Variants in DGKG observed in about 807,000 individuals in gnomAD.
DGKG encodes diacylglycerol kinase gamma, also known as DAG kinase gamma.
In DGKG, 78 loss-of-function variants were observed where a neutral mutation model predicts 105.3. The ratio of observed to expected loss-of-function variants is 0.74; its 90% CI spans 0.62 to 0.89. DGKG has a LOEUF of 0.89. Ranked by LOEUF, DGKG falls within the 40% of genes least tolerant of loss-of-function variation. DGKG has a pLI of 0.00. For missense variants in DGKG, 958 were observed against 1,020.1 expected, an observed-to-expected ratio of 0.94 and a Z score of 0.83; for synonymous variants, 346 against 367.1, an observed-to-expected ratio of 0.94 and a Z score of 0.66.
rs538018353 is a variant in DGKG, at chr3:186,308,870, T to C, written c.68-1893A>G. On this transcript the variant is annotated intron_variant, in intron 2 of 24. Coordinates refer to ENST00000265022, the MANE Select transcript of DGKG (RefSeq NM_001346.3). ...AATAGCTGTCCCTTACTGGAGACCT[T>C]CACCTGCATAGTCTCATAAACTCTC... is the stretch of plus-strand genomic sequence containing the variant. Among the ~76,000 whole-genome samples the C allele has an allele frequency of 2.2e-4, 34 of 152,302 alleles. No homozygotes were observed. The South Asian group carries it at 6.8e-3, about 31-fold the overall frequency.
At chr3:186,262,571 C>T (rs1229520510) in intron 14 of DGKG, among the ~76,000 whole-genome samples, 2 of 152,172 alleles carry the variant, frequency 1.3e-5, no homozygotes, top group African/African-American at 4.8e-5. Context: ...GTAAAGACAT[C>T]TCATTATTAA....
In DGKG at chr3:186,268,832, G is replaced by A. The variant is rs184020748; in HGVS notation, c.1085C>T (p.Thr362Ile). 1.2e-5 allele frequency: 19 copies of A among 1,613,926 alleles called. No homozygotes were observed. Among genetic ancestry groups the A allele is most frequent in the Non-Finnish European group, 1.5e-5 (18 of 1,179,930 alleles). Residue 362 changes from threonine to isoleucine, a missense_variant, in exon 12 of 25, where the codon ACC (threonine) becomes ATC (isoleucine). Around this residue, in one of 2 missense-constraint regions of DGKG, gnomAD observed 643 missense variants for 619.5 expected, o/e 1.04. Transcript: ENST00000265022. ...HKSIKCYQSV[T>I]ARHCVWCRMT... is the part of the protein sequence containing the mutation. ...CCGGCACCACACGCAGTGCCGCGCG[G>A]TGACACTCTGGTAGCACTTGATACT...
In DGKG at chr3:186,298,089, G is replaced by A. The variant is rs1016587375; in HGVS notation, c.285C>T (p.Ala95=). The A allele has an allele frequency of 1.9e-6, 3 of 1,613,048 alleles. No homozygotes were observed. Among genetic ancestry groups the A allele is most frequent in the South Asian group, 1.1e-5 (1 of 90,854 alleles). ...CTGCGCTGTTGGCCTCACTGTTGCT[G>A]GCTCCCTCCGTCGGGTGGTCAGAGG... ...HETSDHPTEG[A]SNSEANSADT... Residue 95 remains alanine (A), a synonymous_variant, in exon 4 of 25, where the codon GCC becomes GCT. Transcript: ENST00000265022.
intron 13 of DGKG, among the ~76,000 whole-genome samples, chr3:186,267,183 G>A (rs1440776385): frequency 6.6e-6 from 1 of 152,188 alleles, no homozygotes; most frequent in Non-Finnish European, 1.5e-5. Flanking sequence ...ACAGAGATGA[G>A]GGAGGTTGGG....
intron 1 of DGKG, among the ~76,000 whole-genome samples, chr3:186,338,199 A>G (rs959647767): frequency 1.3e-5 from 2 of 151,776 alleles, no homozygotes; most frequent in East Asian, 3.9e-4. Flanking sequence ...GAAAGAAGGA[A>G]AAGTAGAATG....
intron 22 of DGKG, among the ~76,000 whole-genome samples, chr3:186,179,027 T>C (rs1308962234): frequency 6.6e-6 from 1 of 152,248 alleles, no homozygotes; most frequent in Non-Finnish European, 1.5e-5. Context: ...GTATGTGCGA[T>C]CACCAGCAGA....
chr3:186,206,062 T>C (rs1487389578), intron 21 of DGKG, among the ~76,000 whole-genome samples: 1 of 152,084 alleles, frequency 6.6e-6, no homozygotes, highest in African/African-American at 2.4e-5. Context: ...GACCTTCCCT[T>C]GTGAATATGT....
chr3:186,345,009 C>G (rs1025464755), intron 1 of DGKG, among the ~76,000 whole-genome samples: 6 of 152,080 alleles, frequency 3.9e-5, no homozygotes, highest in African/African-American at 1.4e-4. Context: ...TATGTGAAAG[C>G]CTGAGAGTGG....
chr3:186,330,057 C>T (rs1187903594), intron 1 of DGKG, among the ~76,000 whole-genome samples: 2 of 152,196 alleles, frequency 1.3e-5, no homozygotes, highest in Non-Finnish European at 2.9e-5. Context: ...GTTCCTACCA[C>T]ATCTATTTAC....
At chr3:186,300,211 T>C (rs1578799332) in intron 3 of DGKG, among the ~76,000 whole-genome samples, 1 of 152,168 alleles carries the variant, frequency 6.6e-6, no homozygotes, top group South Asian at 2.1e-4. Flanking sequence ...ATCTCCAGCA[T>C]TTTCTTTTCA....
intron 23 of DGKG, among the ~76,000 whole-genome samples, chr3:186,164,497 G>A (rs897975366): frequency 6.6e-6 from 1 of 152,246 alleles, no homozygotes; most frequent in African/African-American, 2.4e-5. Context: ...TGTCTGAGAA[G>A]GAGTAGAGCA....
intron 1 of DGKG, among the ~76,000 whole-genome samples, chr3:186,326,632 T>C (rs767115153): frequency 1.2e-4 from 19 of 152,176 alleles, no homozygotes; most frequent in Non-Finnish European, 2.1e-4. Flanking sequence ...ACACAGAAAG[T>C]AGTTTCAGAA....
At chr3:186,359,294 G>A (rs1473748435) in intron 1 of DGKG, among the ~76,000 whole-genome samples, 1 of 152,192 alleles carries the variant, frequency 6.6e-6, no homozygotes, top group Non-Finnish European at 1.5e-5. Flanking sequence ...TCTATCCAAA[G>A]GAAGTAATGG....
intron 20 of DGKG, among the ~76,000 whole-genome samples, chr3:186,212,958 C>T (rs1480014832): frequency 6.6e-6 from 1 of 152,146 alleles, no homozygotes. Flanking sequence ...GGGAAGAGGG[C>T]TCTTATTTTT....
intron 20 of DGKG, among the ~76,000 whole-genome samples, chr3:186,234,493 G>T (rs1413494282): frequency 1.3e-5 from 2 of 152,208 alleles, no homozygotes; most frequent in African/African-American, 4.8e-5. Context: ...AAATCAATCA[G>T]TCAGTAAATA....
At chr3:186,261,994 A>C (rs1233084899) in intron 14 of DGKG, 4 of 478,348 alleles carry the variant, frequency 8.4e-6, no homozygotes, top group Non-Finnish European at 1.5e-5. Flanking sequence ...TGAGGGTTTG[A>C]GGTCAGGATC....
chr3:186,205,069 C>T (rs1279300365), intron 21 of DGKG, among the ~76,000 whole-genome samples: 2 of 150,572 alleles, frequency 1.3e-5, no homozygotes, highest in Non-Finnish European at 3.0e-5. Flanking sequence ...CCAGCCTGGC[C>T]AACATGGCGA....
chr3:186,277,720 C>T lies in DGKG; in HGVS notation c.793-2056G>A, dbSNP rs16860668. Reference sequence around the variant, plus strand: ...CTTGGGTTATAGCACCATCATGTGGCTCTTTCCTTTCCACATGATGGTGGC... The same window carrying T: ...CTTGGGTTATAGCACCATCATGTGGTTCTTTCCTTTCCACATGATGGTGGC... On this transcript the variant is annotated intron_variant, in intron 9 of 24. Transcript: ENST00000265022. Among the ~76,000 whole-genome samples the T allele has an allele frequency of 2.6e-3, 401 of 152,294 alleles. 5 individuals carry two copies. Among genetic ancestry groups the T allele is most frequent in the African/African-American group, 9.2e-3 (381 of 41,560 alleles).
At chr3:186,360,965 G>T (rs1216617838) in intron 1 of DGKG, among the ~76,000 whole-genome samples, 1 of 152,354 alleles carries the variant, frequency 6.6e-6, no homozygotes, top group East Asian at 1.9e-4. Context: ...CAGCGCGGGA[G>T]AGCGCGCCCA....
Sources: gnomAD v4.1 joint callset for allele counts (sites outside exome capture counted in the v4.1 genomes callset) on GRCh38, gnomAD v4.1.1 for gene constraint, gnomAD v4.1.1 regional missense constraint, MANE v1.5 for transcripts, NCBI Gene and HGNC (gene_info 2026-07-23, HGNC 2026-07-21) for gene names.